The following KIAA1549L variants were observed in gnomAD, a reference collection of about 807,000 sequenced individuals.
The protein encoded by KIAA1549L is KIAA1549 like.
Under a neutral mutation model 160.7 loss-of-function variants are expected in KIAA1549L, and 88 were observed. That is an observed-to-expected ratio of 0.55 (90% confidence interval 0.46 to 0.65). The LOEUF (loss-of-function observed/expected upper bound fraction) is 0.65. Ranked by LOEUF, KIAA1549L falls within the 30% of genes least tolerant of loss-of-function variation. KIAA1549L has a pLI of 0.00. For missense variants in KIAA1549L, 2,258 were observed against 2,437.5 expected (o/e 0.93, Z 1.55); for synonymous variants, 950 against 976.7 (o/e 0.97, Z 0.51).
chr11:33,595,885 G>A (rs1423482376), intron 12 of KIAA1549L, among the ~76,000 whole-genome samples: 1 of 152,142 alleles, frequency 6.6e-6, no homozygotes, highest in Non-Finnish European at 1.5e-5. Context: ...ACTGAACTCT[G>A]AGGGTTCAGT....
chr11:33,576,449 C>T (rs1011037439), intron 10 of KIAA1549L, among the ~76,000 whole-genome samples: 1 of 152,166 alleles, frequency 6.6e-6, no homozygotes, highest in Admixed American at 6.5e-5. Flanking sequence ...CTGTGGGCTC[C>T]GTCCTCATCT....
At chr11:33,430,060 C>CCT (rs1851204460) in intron 1 of KIAA1549L, among the ~76,000 whole-genome samples, 6 of 79,186 alleles carry the variant, frequency 7.6e-5, no homozygotes, top group African/African-American at 3.5e-4. Flanking sequence ...CCTTCCCTCT[C>CCT]TCCTCCGTTC....
chr11:33,498,863 T>C (rs1004468584), intron 1 of KIAA1549L, among the ~76,000 whole-genome samples: 3 of 152,158 alleles, frequency 2.0e-5, no homozygotes, highest in African/African-American at 4.8e-5. Flanking sequence ...GTGAATTCCC[T>C]GCAAGATCAT....
At chr11:33,568,314 C>G (rs1473701368) in intron 9 of KIAA1549L, 87 bp downstream of exon 9, 18 of 1,291,986 alleles carry the variant, frequency 1.4e-5, no homozygotes, top group Middle Eastern at 2.1e-4. Context: ...AGTCAGTGTG[C>G]TCAGAGGAGC....
chr11:33,588,453 T>C (rs1849946022), intron 11 of KIAA1549L, among the ~76,000 whole-genome samples: 1 of 152,070 alleles, frequency 6.6e-6, no homozygotes, highest in Non-Finnish European at 1.5e-5. Context: ...CGCAACCACA[T>C]GTGTTTTAAG....
intron 1 of KIAA1549L, among the ~76,000 whole-genome samples, chr11:33,446,980 A>G (rs1280217505): frequency 6.6e-6 from 1 of 152,212 alleles, no homozygotes; most frequent in East Asian, 1.9e-4. Flanking sequence ...AGTGTCCTTG[A>G]GGACTATTTT....
chr11:33,492,272 G>T (rs982590524), intron 1 of KIAA1549L, among the ~76,000 whole-genome samples: 1 of 152,170 alleles, frequency 6.6e-6, no homozygotes, highest in Admixed American at 6.5e-5. Flanking sequence ...GGAGGCTGAG[G>T]CAGGAGAATC....
At position 33,669,409 on chromosome 11, in the gene KIAA1549L, G is replaced by A. The variant is rs1049089356; in HGVS notation, c.*1255G>A. 6.6e-6 allele frequency: 1 copy of A among 152,196 alleles called. No homozygotes were observed. The highest frequency in any genetic ancestry group is 1.5e-5 in the Non-Finnish European group (1 of 68,038). The allele number at this position is 152,196 out of a possible 1,614,324, so 9.4% of individuals were successfully genotyped here. On this transcript the variant is annotated 3_prime_UTR_variant, in exon 21 of 21. Transcript: ENST00000658780. ...ATCGCCTCACGGCACTGAGGCACCA[G>A]CCGCTGCCTACCCATCAATGCAAGC...
At chr11:33,599,946 C>G (rs771145288) in intron 13 of KIAA1549L, among the ~76,000 whole-genome samples, 1 of 152,132 alleles carries the variant, frequency 6.6e-6, no homozygotes. Context: ...TGCAGGGACT[C>G]TTTCTTGAAG....
Position 33,469,180 on chromosome 11 carries a change from A to G in KIAA1549L, c.239-72622A>G, listed in dbSNP as rs560974791. ...CACCCCCAAACAAACCCCGTTATCT[A>G]TTAGTCAGTCCCATTGCTCCTTCCT... On this transcript the variant is annotated intron_variant, in intron 1 of 20. Coordinates refer to ENST00000658780, the MANE Select transcript of KIAA1549L (RefSeq NM_012194.3). Among the ~76,000 whole-genome samples the G allele has an allele frequency of 3.3e-5, 5 of 152,270 alleles. No individual in the cohort carries two copies. In the East Asian group the frequency reaches 7.7e-4, roughly 23 times the overall value.
At chr11:33,424,469 A>C (rs1851079248) in intron 1 of KIAA1549L, among the ~76,000 whole-genome samples, 1 of 152,162 alleles carries the variant, frequency 6.6e-6, no homozygotes. Context: ...ATCTTAAAAA[A>C]AATCTTTAGA....
At chr11:33,430,076 T>TTCCC (rs1272043552) in intron 1 of KIAA1549L, among the ~76,000 whole-genome samples, 1 of 127,654 alleles carries the variant, frequency 7.8e-6, no homozygotes, top group Non-Finnish European at 1.6e-5. Context: ...CGTTCCTCCC[T>TTCCC]TCCCTCCCTC....
intron 15 of KIAA1549L, among the ~76,000 whole-genome samples, chr11:33,617,789 G>GTGGATGGATGGATGGATGGATGGATGGA (rs200551250): frequency 6.7e-6 from 1 of 148,932 alleles, no homozygotes; most frequent in African/African-American, 2.5e-5. Context: ...GGAAGCCTCG[G>GTGGATGGATGGATGGATGGATGGATGGA]TGGATGGATG....
At chr11:33,461,301 A>C (rs1364199072) in intron 1 of KIAA1549L, among the ~76,000 whole-genome samples, 1 of 152,170 alleles carries the variant, frequency 6.6e-6, no homozygotes, top group Non-Finnish European at 1.5e-5. Context: ...CACTTAACCC[A>C]TCTCACTCTC....
rs373174460 is a variant in KIAA1549L, at chr11:33,658,786, C to A, written c.5895C>A (p.Ala1965=). The part of the protein sequence containing the change: ...TSDIGSKTRM[A]ESTGPEPAQL... ...ACATCGGCAGCAAGACCAGAATGGC[C>A]GAGTCTACAGGGCCCGAGCCGGCCC... Residue 1965 remains alanine (A), a synonymous_variant, in exon 19 of 21, where the codon GCC becomes GCA. Coordinates refer to ENST00000658780, the MANE Select transcript of KIAA1549L (RefSeq NM_012194.3). 6.4e-7 allele frequency: 1 copy of A among 1,570,336 alleles called. No homozygotes were observed. The highest frequency in any genetic ancestry group is 8.6e-7 in the Non-Finnish European group (1 of 1,158,632).
chr11:33,631,219 A>G (rs1851278039), intron 16 of KIAA1549L, among the ~76,000 whole-genome samples: 1 of 152,178 alleles, frequency 6.6e-6, no homozygotes. Flanking sequence ...CTCAGACTCT[A>G]AGCTCCCAGC....
At chr11:33,625,457 G>T (rs555284272) in intron 16 of KIAA1549L, among the ~76,000 whole-genome samples, 2,412 of 152,252 alleles carry the variant, frequency 0.016, 29 homozygotes, top group Non-Finnish European at 0.025. Flanking sequence ...CATTCTAACT[G>T]GTGTGAGATG....
Position 33,670,612 on chromosome 11 carries a change from G to T in KIAA1549L, c.*2458G>T, listed in dbSNP as rs902182138. The T allele has an allele frequency of 1.3e-5, 2 of 152,254 alleles. No individual in the cohort carries two copies. The highest frequency in any genetic ancestry group is 2.9e-5 in the Non-Finnish European group (2 of 68,058). The allele number at this position is 152,254 out of a possible 1,614,324, so 9.4% of individuals were successfully genotyped here. A position where few individuals can be genotyped will look rare whatever the true frequency, so the allele number is the denominator to read the frequency against. On this transcript the variant is annotated 3_prime_UTR_variant, in exon 21 of 21. Transcript: ENST00000658780. ...CTCATGGGGAGACAGAGCCACTCTGGTCAGATTTTCTGTGAGTGAGATGTG... is the reference window on the plus strand; with the variant it reads ...CTCATGGGGAGACAGAGCCACTCTGTTCAGATTTTCTGTGAGTGAGATGTG...
At chr11:33,651,332 G>A (rs1175140107) in intron 17 of KIAA1549L, among the ~76,000 whole-genome samples, 3 of 152,116 alleles carry the variant, frequency 2.0e-5, no homozygotes, top group Non-Finnish European at 2.9e-5. Context: ...AGCTACTCGG[G>A]AGGCTGAGGC....
Sources: allele counts gnomAD v4.1 joint callset (sites outside exome capture counted in the v4.1 genomes callset), GRCh38; gene constraint gnomAD v4.1.1; transcripts MANE v1.5; gene names NCBI Gene and HGNC (gene_info 2026-07-23, HGNC 2026-07-21).